Variants in RANBP3 observed in about 807,000 individuals in gnomAD.
RANBP3 encodes ran-binding protein 3.
In RANBP3, 14 loss-of-function variants were observed where a neutral mutation model predicts 77.3. The ratio of observed to expected loss-of-function variants is 0.18; its 90% CI spans 0.12 to 0.28. RANBP3 has a LOEUF of 0.28. RANBP3 is among the 10% of genes least tolerant of loss of function. The pLI is 1.00. For synonymous variants in RANBP3, 315 were observed against 312.4 expected (o/e 1.01, Z -0.09); for missense variants, 586 against 752.3 (o/e 0.78, Z 2.59).
intron 2 of RANBP3, among the ~76,000 whole-genome samples, chr19:5,955,470 T>C (rs1221731460): frequency 2.0e-5 from 3 of 152,332 alleles, no homozygotes; most frequent in South Asian, 2.1e-4. Context: ...TTTATGTAAT[T>C]GGCATAGACC....
In RANBP3 at chr19:5,952,880, A is replaced by G. The variant is rs1033748400; in HGVS notation, c.79-1284T>C. 1.7e-4 allele frequency among the ~76,000 whole-genome samples: 26 copies of G among 152,204 alleles called. No homozygotes were observed. Among genetic ancestry groups the G allele is most frequent in the African/African-American group, 5.3e-4 (22 of 41,446 alleles). On this transcript the variant is annotated intron_variant, in intron 2 of 16. Transcript: ENST00000340578. This position sits in a 1 kb window ranked among gnomAD's most constrained non-coding sequence, Gnocchi z 4.1. ...TAAACCTGGCTCTCTAAACCTGCAC[A>G]GGGCACCGTGGTTCGTCCAGCCACC...
intron 3 of RANBP3, among the ~76,000 whole-genome samples, chr19:5,947,321 A>AT (rs2058218749): frequency 6.6e-6 from 1 of 151,648 alleles, no homozygotes; most frequent in African/African-American, 2.4e-5. Context: ...CTCAAAAAAA[A>AT]AAAAAAAGAA....
At chr19:5,933,244 C>T (rs377660230) in intron 6 of RANBP3, 170 bp downstream of exon 6, 5 of 553,200 alleles carry the variant, frequency 9.0e-6, no homozygotes, top group African/African-American at 7.8e-5. Flanking sequence ...GGGTCCCAAC[C>T]TCCCTGCTCA....
intron 1 of RANBP3, among the ~76,000 whole-genome samples, chr19:5,965,085 G>A (rs189573403): frequency 6.6e-6 from 1 of 152,110 alleles, no homozygotes; most frequent in East Asian, 1.9e-4. Context: ...GCTTCCTCCT[G>A]ACCCTAGAGG....
At chr19:5,944,097 C>T (rs557243646) in intron 3 of RANBP3, among the ~76,000 whole-genome samples, 4 of 152,216 alleles carry the variant, frequency 2.6e-5, no homozygotes, top group South Asian at 4.1e-4. Context: ...GTAAGGTGCT[C>T]AGCCCAGTGC....
At chr19:5,932,373 A>C in intron 7 of RANBP3, 79 bp downstream of exon 7, 1 of 1,118,222 alleles carries the variant, frequency 8.9e-7, no homozygotes, top group Middle Eastern at 2.0e-4. Context: ...CTCTGTCGCA[A>C]CACTGCTGTC....
In RANBP3 at chr19:5,917,179, G is replaced by A. The variant is rs1156492963; in HGVS notation, c.*431C>T. Reference sequence around the variant, plus strand: ...CCTATAGTTGGGGAGCCCTGGGCAGGGGCAGAGGGCTGGCTGCTCCCCACA... The same window carrying A: ...CCTATAGTTGGGGAGCCCTGGGCAGAGGCAGAGGGCTGGCTGCTCCCCACA... On this transcript the variant is annotated 3_prime_UTR_variant, in exon 17 of 17. Transcript: ENST00000340578. 7.7e-6 allele frequency: 2 copies of A among 258,716 alleles called. No homozygotes were observed. Among genetic ancestry groups the A allele is most frequent in the African/African-American group, 2.3e-5 (1 of 43,374 alleles). 16.0% of individuals were successfully genotyped at this position (258,716 alleles called of 1,614,324 possible).
Position 5,924,014 on chromosome 19 carries a change from C to T in RANBP3, c.997-100G>A. ...GCCTGGCCCCCAACACTACGCTGCC[C>T]CCAGCACTCCTGCCCACTCCCGGTG... On this transcript the variant is annotated intron_variant, in intron 11 of 16. Transcript: ENST00000340578. The surrounding 1 kb of genome is among the most constrained non-coding windows in gnomAD (Gnocchi z 4.7). 1.1e-6 allele frequency: 1 copy of T among 886,638 alleles called. No homozygotes were observed. Among genetic ancestry groups the T allele is most frequent in the South Asian group, 1.5e-5 (1 of 66,192 alleles). 54.9% of individuals were successfully genotyped at this position (886,638 alleles called of 1,614,324 possible). A position where few individuals can be genotyped will look rare whatever the true frequency, so the allele number is the denominator to read the frequency against.
intron 8 of RANBP3, among the ~76,000 whole-genome samples, chr19:5,930,581 T>A (rs1043195744): frequency 6.6e-6 from 1 of 152,190 alleles, no homozygotes; most frequent in Non-Finnish European, 1.5e-5. Context: ...AACTATTTCT[T>A]TTTTTAAGGC....
At chr19:5,931,783 A>G (rs1032613645) in intron 7 of RANBP3, among the ~76,000 whole-genome samples, 1 of 152,186 alleles carries the variant, frequency 6.6e-6, no homozygotes, top group Non-Finnish European at 1.5e-5. Flanking sequence ...CTGTGGTCCC[A>G]GTGCTTTGGG....
At chr19:5,945,441 T>A (rs1048034324) in intron 3 of RANBP3, among the ~76,000 whole-genome samples, 1 of 152,172 alleles carries the variant, frequency 6.6e-6, no homozygotes, top group African/African-American at 2.4e-5. Context: ...CTTTAAAATT[T>A]GAGATGTGTT....
At chr19:5,918,100 G>A in intron 15 of RANBP3, 120 bp from the exon 16 acceptor site, 1 of 1,153,768 alleles carries the variant, frequency 8.7e-7, no homozygotes, top group Non-Finnish European at 1.2e-6. Context: ...GCCTTGTGGG[G>A]AGGCCATTGG....
intron 5 of RANBP3, among the ~76,000 whole-genome samples, chr19:5,938,004 G>A (rs1341697202): frequency 6.6e-6 from 1 of 152,110 alleles, no homozygotes; most frequent in Non-Finnish European, 1.5e-5. Context: ...CCAACATCGT[G>A]CCCTTCCTGA....
intron 13 of RANBP3, among the ~76,000 whole-genome samples, chr19:5,922,336 G>C (rs987435979): frequency 6.6e-6 from 1 of 152,176 alleles, no homozygotes; most frequent in Non-Finnish European, 1.5e-5. Context: ...AGATGACAAA[G>C]TGGTAAGTGG....
rs761269192 is a variant in RANBP3, at chr19:5,924,682, A to C, written c.996+145T>G. On this transcript the variant is annotated intron_variant, in intron 11 of 16. Transcript: ENST00000340578. The surrounding 1 kb of genome is among the most constrained non-coding windows in gnomAD (Gnocchi z 4.7). ...GCCAGTTTTCAGGCTGAGTCTGAGC[A>C]GGGTCTTCCCTCTCTCACTTGCTAC... 4.8e-6 allele frequency: 4 copies of C among 835,638 alleles called. No individual in the cohort carries two copies. The highest frequency in any genetic ancestry group is 1.5e-5 in the South Asian group (1 of 68,360). The allele number at this position is 835,638 out of a possible 1,614,324, so 51.8% of individuals were successfully genotyped here.
chr19:5,944,336 T>C (rs1478626125), intron 3 of RANBP3, among the ~76,000 whole-genome samples: 1 of 152,210 alleles, frequency 6.6e-6, no homozygotes, highest in Non-Finnish European at 1.5e-5. Context: ...TTGCATCTGA[T>C]AGTGCTGAGC....
At chr19:5,975,454 T>C (rs552138938) in intron 1 of RANBP3, among the ~76,000 whole-genome samples, 11 of 152,114 alleles carry the variant, frequency 7.2e-5, no homozygotes, top group African/African-American at 2.7e-4. Context: ...AATTTCCCCT[T>C]TGTGCTCAAA....
In RANBP3 at chr19:5,969,118, G is replaced by C. The variant is rs758511; in HGVS notation, c.22+8943C>G. On this transcript the variant is annotated intron_variant, in intron 1 of 16. Transcript: ENST00000340578. ...GGAGGCCCATGTTTGGAGGGGAGGA[G>C]AACGGGAAGGGCTGGGTGGAGCCCA... Among the ~76,000 whole-genome samples the C allele has an allele frequency of 5.3e-3, 804 of 152,310 alleles. 9 individuals are homozygous for C. Among genetic ancestry groups the C allele is most frequent in the African/African-American group, 0.018 (752 of 41,568 alleles).
At chr19:5,917,686 G>C (rs1385951019) in intron 16 of RANBP3, 33 bp from the exon 17 acceptor site, 1 of 1,601,592 alleles carries the variant, frequency 6.2e-7, no homozygotes, top group East Asian at 2.2e-5. Context: ...CATCAGGATG[G>C]AGCCCGCACT....
Sources: allele counts gnomAD v4.1 joint callset (sites outside exome capture counted in the v4.1 genomes callset), GRCh38; gene constraint gnomAD v4.1.1; non-coding constraint Gnocchi (gnomAD v3.1); transcripts MANE v1.5; gene names NCBI Gene and HGNC (gene_info 2026-07-23, HGNC 2026-07-21).